The following ST8SIA4 variants were observed in gnomAD, a reference collection of about 807,000 sequenced individuals.
ST8SIA4 encodes the protein ST8 alpha-N-acetyl-neuraminide alpha-2,8-sialyltransferase 4, also known as CMP-N-acetylneuraminate-poly-alpha-2,8-sialyltransferase.
A neutral mutation model predicts 33.9 loss-of-function variants in ST8SIA4; 15 were observed. The observed-to-expected ratio is 0.44, with a 90% CI of 0.30 to 0.68. ST8SIA4 has a LOEUF of 0.68. Ranked by LOEUF, ST8SIA4 falls within the 30% of genes least tolerant of loss-of-function variation. ST8SIA4 has a pLI of 0.10. For synonymous variants in ST8SIA4, 171 were observed against 151.2 expected (o/e 1.13, Z -0.96); for missense variants, 321 against 428.0 (o/e 0.75, Z 2.21).
chr5:100,851,163 G>A (rs1205406756), intron 4 of ST8SIA4, among the ~76,000 whole-genome samples: 1 of 151,546 alleles, frequency 6.6e-6, no homozygotes, highest in Non-Finnish European at 1.5e-5. Context: ...GTTTCCCCAT[G>A]TTGGCCAGGC....
intron 3 of ST8SIA4, among the ~76,000 whole-genome samples, chr5:100,856,843 C>G (rs1422830749): frequency 6.6e-6 from 1 of 152,124 alleles, no homozygotes; most frequent in Non-Finnish European, 1.5e-5. Context: ...GTCATTTCAA[C>G]AACTTTGTAA....
At chr5:100,849,719 C>T (rs1211020485) in intron 4 of ST8SIA4, among the ~76,000 whole-genome samples, 1 of 152,040 alleles carries the variant, frequency 6.6e-6, no homozygotes, top group Admixed American at 6.6e-5. Flanking sequence ...CGCTCGAACT[C>T]AGAAGGCGGA....
At chr5:100,833,295 G>A (rs1559059) in intron 4 of ST8SIA4, among the ~76,000 whole-genome samples, 42,452 of 151,820 alleles carry the variant, frequency 0.28, 6,186 homozygotes, top group Non-Finnish European at 0.32. Flanking sequence ...TTGCTGAGTT[G>A]AAATTCATGA....
At chr5:100,845,892 G>C (rs563066386) in intron 4 of ST8SIA4, among the ~76,000 whole-genome samples, 10 of 152,000 alleles carry the variant, frequency 6.6e-5, no homozygotes, top group African/African-American at 2.4e-4. Context: ...CTTTTCTCAG[G>C]TGGCCAGGAT....
chr5:100,882,732 T>C (rs1002117110), intron 3 of ST8SIA4, among the ~76,000 whole-genome samples: 1 of 152,198 alleles, frequency 6.6e-6, no homozygotes, highest in African/African-American at 2.4e-5. Flanking sequence ...GCTCCAGCCA[T>C]GGCTGAAAGG....
chr5:100,854,066 C>T (rs983092716), intron 4 of ST8SIA4, among the ~76,000 whole-genome samples: 3 of 148,288 alleles, frequency 2.0e-5, no homozygotes, highest in Non-Finnish European at 4.5e-5. Context: ...AACATGATAC[C>T]CAAACAAAAA....
At chr5:100,843,219 A>G (rs964337942) in intron 4 of ST8SIA4, among the ~76,000 whole-genome samples, 38 of 151,928 alleles carry the variant, frequency 2.5e-4, no homozygotes, top group Admixed American at 6.6e-5. Flanking sequence ...TCAAAAGGCA[A>G]TATTTTCTTT....
chr5:100,855,413 C>G (rs926842016), intron 4 of ST8SIA4, among the ~76,000 whole-genome samples: 3 of 152,156 alleles, frequency 2.0e-5, no homozygotes, highest in Non-Finnish European at 4.4e-5. Context: ...ATTTTTGAAG[C>G]TACAGTATCT....
chr5:100,898,761 C>A (rs541020647), intron 1 of ST8SIA4, among the ~76,000 whole-genome samples: 6 of 152,186 alleles, frequency 3.9e-5, no homozygotes, highest in African/African-American at 9.7e-5. Context: ...TTGCCACCCC[C>A]CTACTTGTCT....
In ST8SIA4 at chr5:100,875,780, C is replaced by T. The variant is rs116308313; in HGVS notation, c.503+10563G>A. ...CGTTTATCTTTTAACAGCTAATTTT[C>T]TCTTTAAATGTTTACAAGAAAAATA... On this transcript the variant is annotated intron_variant, in intron 3 of 4. Transcript: ENST00000231461. 7.2e-3 allele frequency among the ~76,000 whole-genome samples: 1,103 copies of T among 152,168 alleles called. 10 individuals carry two copies. Among genetic ancestry groups the T allele is most frequent in the African/African-American group, 0.021 (885 of 41,520 alleles).
At chr5:100,853,800 C>A (rs181020186) in intron 4 of ST8SIA4, among the ~76,000 whole-genome samples, 117 of 152,278 alleles carry the variant, frequency 7.7e-4, no homozygotes, top group African/African-American at 2.7e-3. Context: ...AGTCACTCCT[C>A]TTATTTCATG....
chr5:100,834,280 G>C (rs1751319716), intron 4 of ST8SIA4, among the ~76,000 whole-genome samples: 1 of 152,066 alleles, frequency 6.6e-6, no homozygotes, highest in Non-Finnish European at 1.5e-5. Flanking sequence ...ATAGAGAGCA[G>C]AATGCTTAGA....
At chr5:100,873,763 G>C (rs1413011907) in intron 3 of ST8SIA4, among the ~76,000 whole-genome samples, 1 of 152,116 alleles carries the variant, frequency 6.6e-6, no homozygotes, top group African/African-American at 2.4e-5. Context: ...GACTAGGAGC[G>C]ATGGAATGAG....
rs1750819103 is a variant in ST8SIA4 at position 100,811,678 on chromosome 5, C to G, written c.*169G>C. ...AAGTCAAAATATTTAATTTTTAGAG[C>G]ACTTTGCAGGTATTTCATCAGCTGG... On this transcript the variant is annotated 3_prime_UTR_variant, in exon 5 of 5. Coordinates refer to ENST00000231461, the MANE Select transcript of ST8SIA4 (RefSeq NM_005668.6). The G allele has an allele frequency of 3.0e-6, 2 of 657,164 alleles. No homozygotes were observed. Among genetic ancestry groups the G allele is most frequent in the Non-Finnish European group, 5.1e-6 (2 of 395,206 alleles). The allele number at this position is 657,164 out of a possible 1,614,324, so 40.7% of individuals were successfully genotyped here. A position where few individuals can be genotyped will look rare whatever the true frequency, so the allele number is the denominator to read the frequency against.
At chr5:100,867,979 C>CAGATTCA (rs1326475888) in intron 3 of ST8SIA4, among the ~76,000 whole-genome samples, 1 of 151,980 alleles carries the variant, frequency 6.6e-6, no homozygotes, top group Non-Finnish European at 1.5e-5. Context: ...TCTATTTTAA[C>CAGATTCA]AGATTCATAC....
intron 4 of ST8SIA4, among the ~76,000 whole-genome samples, chr5:100,837,131 G>T (rs1189932484): frequency 1.3e-5 from 2 of 151,988 alleles, no homozygotes; most frequent in African/African-American, 4.8e-5. Flanking sequence ...GCTTTAGGGA[G>T]CCAGTGTTGA....
intron 3 of ST8SIA4, among the ~76,000 whole-genome samples, chr5:100,881,166 G>A (rs1214363264): frequency 1.3e-5 from 2 of 152,092 alleles, no homozygotes; most frequent in South Asian, 2.1e-4. Context: ...AAAAATCCAC[G>A]GTGATGTTCC....
At chr5:100,842,012 T>C (rs547440545) in intron 4 of ST8SIA4, among the ~76,000 whole-genome samples, 72 of 151,988 alleles carry the variant, frequency 4.7e-4, no homozygotes, top group African/African-American at 1.7e-3. Flanking sequence ...AATCTATACA[T>C]GTTTATAGAA....
chr5:100,820,325 C>A (rs1383440446), intron 4 of ST8SIA4, among the ~76,000 whole-genome samples: 1 of 152,074 alleles, frequency 6.6e-6, no homozygotes, highest in East Asian at 1.9e-4. Context: ...TCTCTTCAAT[C>A]GCATTATAGA....
Sources: gnomAD v4.1 joint callset for allele counts (sites outside exome capture counted in the v4.1 genomes callset) on GRCh38, gnomAD v4.1.1 for gene constraint, MANE v1.5 for transcripts, NCBI Gene and HGNC (gene_info 2026-07-23, HGNC 2026-07-21) for gene names.